Variants in TFDP1 observed in about 807,000 individuals in gnomAD.
The protein encoded by TFDP1 is transcription factor Dp-1.
A neutral mutation model predicts 48.0 loss-of-function variants in TFDP1; 6 were observed. The observed-to-expected ratio is 0.13, with a 90% confidence interval of 0.07 to 0.25. The LOEUF is 0.25. Ranked by LOEUF, TFDP1 falls within the 10% of genes least tolerant of loss-of-function variation. The probability of loss-of-function intolerance (pLI) is 1.00; values close to 1 mark genes in which losing one functional copy is unlikely to be tolerated. For synonymous variants in TFDP1, 201 were observed against 211.6 expected (o/e 0.95, Z 0.44); for missense variants, 335 against 543.0 (o/e 0.62, Z 3.81).
rs996187269 is a variant in TFDP1, at chr13:113,598,570, C to T, written c.13-12426C>T. ...AGCCCCACCTCCCTAACCTGCCCTC[C>T]TGTGACTCCCATTGTGTATGAACTT... is the stretch of plus-strand genomic sequence containing the variant. On this transcript the variant is annotated intron_variant, in intron 2 of 11. Coordinates refer to ENST00000375370, the MANE Select transcript of TFDP1 (RefSeq NM_007111.5). The surrounding 1 kb of genome is among the most constrained non-coding windows in gnomAD (Gnocchi z 4.2). 3.3e-5 allele frequency among the ~76,000 whole-genome samples: 5 copies of T among 152,206 alleles called. No individual in the cohort carries two copies. Among genetic ancestry groups the T allele is most frequent in the South Asian group, 2.1e-4 (1 of 4,830 alleles).
chr13:113,636,262 G>C (rs4150808), intron 9 of TFDP1, 134 bp downstream of exon 9: 49 of 1,292,098 alleles, frequency 3.8e-5, no homozygotes, highest in Middle Eastern at 1.9e-4. Flanking sequence ...CTGTCCATTG[G>C]GGGGTGGTGG....
chr13:113,594,148 G>T (rs1185472007), intron 2 of TFDP1, among the ~76,000 whole-genome samples: 1 of 140,740 alleles, frequency 7.1e-6, no homozygotes, highest in Admixed American at 7.0e-5. Context: ...TGGTGTGCGC[G>T]GGTCCTCAGC....
intron 11 of TFDP1, among the ~76,000 whole-genome samples, chr13:113,638,360 A>G (rs1476840514): frequency 1.3e-5 from 2 of 151,250 alleles, no homozygotes; most frequent in African/African-American, 2.4e-5. Context: ...GTCATGGTGC[A>G]TGTGTTTTTC....
At chr13:113,638,449 T>C (rs1353950342) in intron 11 of TFDP1, among the ~76,000 whole-genome samples, 5 of 152,170 alleles carry the variant, frequency 3.3e-5, no homozygotes, top group Non-Finnish European at 7.3e-5. Context: ...AGAACGCGTC[T>C]GCGGTCTCGG....
Position 113,623,117 on chromosome 13 carries a change from G to A in TFDP1, c.80-63G>A. On this transcript the variant is annotated intron_variant, in intron 3 of 11. Coordinates refer to ENST00000375370, the MANE Select transcript of TFDP1 (RefSeq NM_007111.5). This position sits in a 1 kb window ranked among gnomAD's most constrained non-coding sequence, Gnocchi z 5.2. Reference sequence around the variant, plus strand: ...CAAGCACCGTCTTGCATTTAGAATGGTCGCTTGTAGCCTTAACTTAGAAAA... The same window carrying A: ...CAAGCACCGTCTTGCATTTAGAATGATCGCTTGTAGCCTTAACTTAGAAAA... 6.9e-7 allele frequency: 1 copy of A among 1,443,362 alleles called. No individual in the cohort carries two copies. The highest frequency in any genetic ancestry group is 9.6e-7 in the Non-Finnish European group (1 of 1,046,062). 89.4% of individuals were successfully genotyped at this position (1,443,362 alleles called of 1,614,324 possible). A position where few individuals can be genotyped will look rare whatever the true frequency, so the allele number is the denominator to read the frequency against.
At chr13:113,616,727 C>T (rs138208968) in intron 3 of TFDP1, among the ~76,000 whole-genome samples, 3 of 152,186 alleles carry the variant, frequency 2.0e-5, no homozygotes, top group East Asian at 1.9e-4. Context: ...CACTCGTGAC[C>T]GTCGCCTGTG....
At chr13:113,601,817 C>T (rs2048436283) in intron 2 of TFDP1, among the ~76,000 whole-genome samples, 1 of 152,194 alleles carries the variant, frequency 6.6e-6, no homozygotes, top group South Asian at 2.1e-4. Context: ...ACAGAGTTAC[C>T]CGCAGGAGTT....
At chr13:113,593,769 C>T (rs1046855180) in intron 2 of TFDP1, among the ~76,000 whole-genome samples, 17 of 145,102 alleles carry the variant, frequency 1.2e-4, no homozygotes, top group African/African-American at 3.6e-4. Context: ...CAGCCGTGCC[C>T]AGGTGACAGG....
At chr13:113,630,857 T>C (rs894437425) in intron 4 of TFDP1, among the ~76,000 whole-genome samples, 5 of 108,504 alleles carry the variant, frequency 4.6e-5, no homozygotes, top group African/African-American at 1.7e-4. Context: ...TCAGGTGTGC[T>C]GTGGGGTGGG....
rs535414581 is a variant in TFDP1, at chr13:113,595,900, G to A, written c.12+10051G>A. Among the ~76,000 whole-genome samples the A allele has an allele frequency of 2.0e-5, 3 of 152,308 alleles. No individual in the cohort carries two copies. In the East Asian group the frequency reaches 5.8e-4, roughly 29 times the overall value. On this transcript the variant is annotated intron_variant, in intron 2 of 11. Transcript: ENST00000375370. ...TATCGAGACCATCCTGGCTAACATG[G>A]TGAAACCCCGTCTCTACTAAAAATA...
rs2049397208 is a variant in TFDP1, at chr13:113,633,639, C to A, written c.475-251C>A. 1.3e-5 allele frequency among the ~76,000 whole-genome samples: 2 copies of A among 152,306 alleles called. No individual in the cohort carries two copies. Among genetic ancestry groups the A allele is most frequent in the South Asian group, 4.1e-4 (2 of 4,824 alleles). On this transcript the variant is annotated intron_variant, in intron 6 of 11. Transcript: ENST00000375370. This position sits in a 1 kb window ranked among gnomAD's most constrained non-coding sequence, Gnocchi z 4.5. ...CTGCACGTCTAGCGGCCCAGAAATG[C>A]ACAAATGCCCACCTCACCAGCTGGG...
At chr13:113,616,139 G>T (rs1478035485) in intron 3 of TFDP1, among the ~76,000 whole-genome samples, 2 of 151,330 alleles carry the variant, frequency 1.3e-5, no homozygotes, top group Non-Finnish European at 2.9e-5. Flanking sequence ...GTAGGCGGAG[G>T]TTGCAGTGAG....
At chr13:113,592,744 A>T (rs949796066) in intron 2 of TFDP1, among the ~76,000 whole-genome samples, 1 of 152,228 alleles carries the variant, frequency 6.6e-6, no homozygotes, top group African/African-American at 2.4e-5. Context: ...TGCCCAGGTG[A>T]CAGGTGTGGC....
At chr13:113,609,801 C>T (rs1342016110) in intron 2 of TFDP1, among the ~76,000 whole-genome samples, 3 of 152,122 alleles carry the variant, frequency 2.0e-5, no homozygotes, top group African/African-American at 4.8e-5. Flanking sequence ...CATCGCTGCC[C>T]CCCAGCCCCA....
intron 2 of TFDP1, among the ~76,000 whole-genome samples, chr13:113,600,583 C>T (rs2048396281): frequency 7.8e-6 from 1 of 127,976 alleles, no homozygotes; most frequent in Non-Finnish European, 1.6e-5. Context: ...CAAGAGAGAA[C>T]CCAGGACCCA....
At chr13:113,586,333 G>T (rs2048002471) in intron 2 of TFDP1, among the ~76,000 whole-genome samples, 1 of 152,046 alleles carries the variant, frequency 6.6e-6, no homozygotes, top group Non-Finnish European at 1.5e-5. Flanking sequence ...CTAAGGACTT[G>T]TTTTGGCCAC....
At chr13:113,613,886 T>C (rs9577595) in intron 3 of TFDP1, among the ~76,000 whole-genome samples, 58,935 of 151,340 alleles carry the variant, frequency 0.39, 11,793 homozygotes, top group Middle Eastern at 0.47. Context: ...TGAGTGGATG[T>C]GAGTGTACCT....
intron 3 of TFDP1, among the ~76,000 whole-genome samples, chr13:113,617,643 C>CTCACCTGCAGAACCCT (rs2048895677): frequency 1.5e-5 from 2 of 134,344 alleles, no homozygotes; most frequent in East Asian, 2.4e-4. Context: ...TGCAGAGCCG[C>CTCACCTGCAGAACCCT]TCACCTGCAG....
intron 11 of TFDP1, 88 bp downstream of exon 11, chr13:113,637,984 G>T: frequency 1.3e-6 from 2 of 1,539,554 alleles, no homozygotes; most frequent in African/African-American, 1.4e-5. Context: ...CTCAGGTGTG[G>T]CCATCAGGTC....
Sources: allele counts gnomAD v4.1 joint callset (sites outside exome capture counted in the v4.1 genomes callset), GRCh38; gene constraint gnomAD v4.1.1; non-coding constraint Gnocchi (gnomAD v3.1); transcripts MANE v1.5; gene names NCBI Gene and HGNC (gene_info 2026-07-23, HGNC 2026-07-21).